The following SYNE1 variants were observed in gnomAD, a reference collection of about 807,000 sequenced individuals.
The protein encoded by SYNE1 is nesprin-1.
Under a neutral mutation model 1,111.0 loss-of-function variants are expected in SYNE1, and 616 were observed. The observed-to-expected ratio is 0.55, with a 90% CI of 0.52 to 0.59. SYNE1 has a LOEUF of 0.59. Among genes scored for constraint, SYNE1 ranks in the 20% least tolerant of loss-of-function variants. The probability of loss-of-function intolerance (pLI) is 0.00; values close to 1 mark genes in which losing one functional copy is unlikely to be tolerated. For missense variants in SYNE1, 10,006 were observed against 10,417.0 expected, an observed-to-expected ratio of 0.96 and a Z score of 1.72; for synonymous variants, 3,855 against 3,825.8, an observed-to-expected ratio of 1.01 and a Z score of -0.28.
At chr6:152,281,309 C>T (rs1297834166) in intron 97 of SYNE1, among the ~76,000 whole-genome samples, 1 of 152,208 alleles carries the variant, frequency 6.6e-6, no homozygotes, top group African/African-American at 2.4e-5. Context: ...AGAGCCCTAA[C>T]ATAGGTGGAA....
intron 128 of SYNE1, among the ~76,000 whole-genome samples, chr6:152,183,640 T>C (rs572752844): frequency 6.6e-6 from 1 of 152,206 alleles, no homozygotes; most frequent in South Asian, 2.1e-4. Flanking sequence ...AGACTGAAGA[T>C]GAACAAGTAA....
chr6:152,447,357 T>A, intron 29 of SYNE1, 101 bp downstream of exon 29: 1 of 1,329,830 alleles, frequency 7.5e-7, no homozygotes, highest in Non-Finnish European at 1.0e-6. Context: ...TCAACTATGG[T>A]TTCTTTATAA....
intron 38 of SYNE1, 31 bp from the exon 39 acceptor site, chr6:152,425,578 C>T (rs577774415): frequency 6.2e-7 from 1 of 1,613,750 alleles, no homozygotes; most frequent in African/African-American, 1.3e-5. Context: ...CGGATCTCAT[C>T]CTAACAGGAC....
intron 121 of SYNE1, among the ~76,000 whole-genome samples, chr6:152,215,534 A>G (rs565409397): frequency 6.6e-6 from 1 of 152,290 alleles, no homozygotes; most frequent in South Asian, 2.1e-4. Context: ...AGAACTGATT[A>G]AGGATGAAAA....
At chr6:152,629,346 A>T (rs1228937802) in intron 2 of SYNE1, among the ~76,000 whole-genome samples, 1 of 151,878 alleles carries the variant, frequency 6.6e-6, no homozygotes, top group Non-Finnish European at 1.5e-5. Context: ...CTGGGATTAC[A>T]GGCGTATACC....
At chr6:152,511,299 G>A (rs1366345558) in intron 6 of SYNE1, among the ~76,000 whole-genome samples, 196 bp from the exon 7 acceptor site, 1 of 152,066 alleles carries the variant, frequency 6.6e-6, no homozygotes, top group Non-Finnish European at 1.5e-5. Flanking sequence ...GATTTGTTAG[G>A]TGTACAAAGT....
At chr6:152,240,626 A>G (rs377015227) in intron 107 of SYNE1, among the ~76,000 whole-genome samples, 2 of 152,228 alleles carry the variant, frequency 1.3e-5, no homozygotes, top group East Asian at 3.8e-4. Context: ...ATGACAGTTA[A>G]CATTAATTAT....
At chr6:152,476,315 C>A (rs1309290097) in intron 14 of SYNE1, among the ~76,000 whole-genome samples, 1 of 152,214 alleles carries the variant, frequency 6.6e-6, no homozygotes, top group Non-Finnish European at 1.5e-5. Flanking sequence ...TTGATAGAAA[C>A]TGTTTTTTCA....
chr6:152,457,984 A>C (rs1055780751), intron 22 of SYNE1, among the ~76,000 whole-genome samples: 7 of 150,996 alleles, frequency 4.6e-5, no homozygotes, highest in African/African-American at 1.7e-4. Context: ...TTATACATAT[A>C]AAATTTATAT....
intron 127 of SYNE1, among the ~76,000 whole-genome samples, chr6:152,196,620 C>A (rs2074194909): frequency 6.6e-6 from 1 of 151,988 alleles, no homozygotes; most frequent in African/African-American, 2.4e-5. Flanking sequence ...TGCCCAGTAC[C>A]CTATCTTACT....
intron 97 of SYNE1, among the ~76,000 whole-genome samples, chr6:152,279,097 G>T (rs915224666): frequency 6.7e-6 from 1 of 149,226 alleles, no homozygotes; most frequent in Non-Finnish European, 1.5e-5. Context: ...TATGGTATTA[G>T]AGGGGTCCAT....
intron 130 of SYNE1, among the ~76,000 whole-genome samples, chr6:152,170,557 T>C (rs1335490857): frequency 6.6e-6 from 1 of 152,174 alleles, no homozygotes; most frequent in African/African-American, 2.4e-5. Context: ...TCCTGATCCT[T>C]ACCAGGCACC....
At chr6:152,236,013 A>G (rs557207939) in intron 110 of SYNE1, 94 bp downstream of exon 110, 2 of 1,382,396 alleles carry the variant, frequency 1.4e-6, no homozygotes, top group African/African-American at 2.8e-5. Context: ...AAGTAATGAG[A>G]TTATAGGTTT....
chr6:152,558,976 T>TTTTA (rs76946853), intron 3 of SYNE1, among the ~76,000 whole-genome samples: 19,457 of 139,928 alleles, frequency 0.14, 1,510 homozygotes, highest in African/African-American at 0.16. Flanking sequence ...CATATTTAAT[T>TTTTA]TTTATTTATT....
chr6:152,619,786 G>T (rs1156700120), intron 3 of SYNE1, among the ~76,000 whole-genome samples: 1 of 152,114 alleles, frequency 6.6e-6, no homozygotes, highest in Non-Finnish European at 1.5e-5. Flanking sequence ...AAGGGTCATT[G>T]TCAGCTCATA....
At chr6:152,130,132 G>A (rs1202830913) in intron 145 of SYNE1, among the ~76,000 whole-genome samples, 1 of 152,140 alleles carries the variant, frequency 6.6e-6, no homozygotes, top group Non-Finnish European at 1.5e-5. Flanking sequence ...CCAAGTGCCC[G>A]GAAAGTGAGT....
intron 95 of SYNE1, among the ~76,000 whole-genome samples, chr6:152,293,062 A>G (rs1354853777): frequency 6.6e-6 from 1 of 152,216 alleles, no homozygotes; most frequent in Non-Finnish European, 1.5e-5. Context: ...TAAAGCTAAT[A>G]TTTTGCCTAG....
At chr6:152,323,410 G>T in intron 82 of SYNE1, 68 bp downstream of exon 82, 1 of 1,594,160 alleles carries the variant, frequency 6.3e-7, no homozygotes, top group South Asian at 1.1e-5. Flanking sequence ...TTGCACTCCA[G>T]CCTGGGCGAC....
chr6:152,535,980 G>A (rs914175481), intron 4 of SYNE1, among the ~76,000 whole-genome samples: 2 of 152,032 alleles, frequency 1.3e-5, no homozygotes, highest in African/African-American at 4.8e-5. Context: ...GTCATTAGGT[G>A]AGAATTCCTT....
Sources: allele counts gnomAD v4.1 joint callset (sites outside exome capture counted in the v4.1 genomes callset), GRCh38; gene constraint gnomAD v4.1.1; transcripts MANE v1.5; gene names NCBI Gene and HGNC (gene_info 2026-07-23, HGNC 2026-07-21).